The following UBR4 variants were observed in gnomAD, a reference collection of about 807,000 sequenced individuals.
UBR4 encodes the protein ubiquitin protein ligase E3 component n-recognin 4.
UBR4 carries 124 observed loss-of-function variants against 575.6 expected under a neutral mutation model. The observed-to-expected ratio is 0.22, with a 90% CI of 0.19 to 0.25. The LOEUF (loss-of-function observed/expected upper bound fraction) is 0.25, where lower values mean the gene tolerates loss of function less well. Ranked by LOEUF, UBR4 falls within the 10% of genes least tolerant of loss-of-function variation. The pLI is 1.00. For missense variants in UBR4, 4,818 were observed against 6,478.8 expected, an observed-to-expected ratio of 0.74 and a Z score of 8.80; for synonymous variants, 2,455 against 2,473.7, an observed-to-expected ratio of 0.99 and a Z score of 0.22.
intron 81 of UBR4, among the ~76,000 whole-genome samples, chr1:19,108,156 T>G (rs2149238508): frequency 6.6e-6 from 1 of 152,312 alleles, no homozygotes; most frequent in Non-Finnish European, 1.5e-5. Flanking sequence ...AATTACAGGG[T>G]CTGAAAGATT....
chr1:19,189,300 A>G (rs1188683564), intron 11 of UBR4, among the ~76,000 whole-genome samples: 1 of 152,218 alleles, frequency 6.6e-6, no homozygotes, highest in Non-Finnish European at 1.5e-5. Flanking sequence ...TAAATATGTG[A>G]GCCCTTTGTC....
chr1:19,131,888 C>CA (rs909889477), intron 60 of UBR4, among the ~76,000 whole-genome samples: 1 of 152,044 alleles, frequency 6.6e-6, no homozygotes, highest in Non-Finnish European at 1.5e-5. Context: ...AACAAACAAA[C>CA]AAAAAAATCT....
chr1:19,189,418 C>T (rs1281103988), intron 11 of UBR4, among the ~76,000 whole-genome samples: 1 of 152,112 alleles, frequency 6.6e-6, no homozygotes, highest in Non-Finnish European at 1.5e-5. Flanking sequence ...TCTAAATAAG[C>T]GCTTAGCAAT....
intron 37 of UBR4, 106 bp from the exon 38 acceptor site, chr1:19,161,253 G>C (rs2087305335): frequency 9.5e-7 from 1 of 1,048,512 alleles, no homozygotes; most frequent in Non-Finnish European, 1.4e-6. Flanking sequence ...AACTGGCTAA[G>C]CGTTTCAATG....
rs1269144604 is a variant in UBR4 at position 19,117,673 on chromosome 1, T to C, written c.10629+150A>G. 9.1e-6 allele frequency: 8 copies of C among 877,098 alleles called. No homozygotes were observed. The highest frequency in any genetic ancestry group is 1.1e-5 in the Non-Finnish European group (6 of 560,806). The allele number at this position is 877,098 out of a possible 1,614,324, so 54.3% of individuals were successfully genotyped here. A position where few individuals can be genotyped will look rare whatever the true frequency, so the allele number is the denominator to read the frequency against. ...CACTGCACCCAGCCAAGTTTCTATT[T>C]AAGGTAATAAATGTGGCAGATAAAA... On this transcript the variant is annotated intron_variant, in intron 72 of 105. Transcript: ENST00000375254. This position sits in a 1 kb window ranked among gnomAD's most constrained non-coding sequence, Gnocchi z 4.0.
At chr1:19,160,896 G>C in intron 38 of UBR4, 21 bp downstream of exon 38, 1 of 1,610,200 alleles carries the variant, frequency 6.2e-7, no homozygotes, top group Non-Finnish European at 8.5e-7. Flanking sequence ...CTGCTTACTA[G>C]GGAGCATCAG....
At position 19,165,659 on chromosome 1, in the gene UBR4, T is replaced by C. The variant is rs754147786; in HGVS notation, c.4208A>G (p.Asp1403Gly). ...ARKAMEEFFS[D>G]SGELVQIMMA... ...AATAAAGCAAAACACGGCTCACCTG[T>C]CAGAGAAAAACTCCTCCATAGCTTT... Residue 1403 changes from aspartate (D) to glycine (G), a missense_variant, in exon 30 of 106, where the codon GAC becomes GGC. Around this residue, in one of 29 missense-constraint regions of UBR4, gnomAD observed 1,172 missense variants for 1,259.7 expected, o/e 0.93. Transcript: ENST00000375254. The C allele has an allele frequency of 2.5e-6, 4 of 1,613,282 alleles. No homozygotes were observed. In the African/African-American group the frequency reaches 5.3e-5, roughly 22 times the overall value.
Position 19,153,356 on chromosome 1 carries a change from G to GGGCTGCAGGGAT in UBR4, c.6765_6776dup (p.Leu2257_Ser2260dup). 1 of 1,614,184 alleles carries GGGCTGCAGGGAT rather than the reference G, an allele frequency of 6.2e-7. No homozygotes were observed. Among genetic ancestry groups the GGGCTGCAGGGAT allele is most frequent in the South Asian group, 1.1e-5 (1 of 91,078 alleles). ...GCTTCATGATGCTGATGACACTGCT[G>GGGCTGCAGGGAT]GGCTGCAGGGATGGCTGCAGCCAGT... is the stretch of plus-strand genomic sequence containing the variant. On this transcript the variant is annotated inframe_insertion, in exon 46 of 106. Coordinates refer to ENST00000375254, the MANE Select transcript of UBR4 (RefSeq NM_020765.3). The surrounding 1 kb of genome is among the most constrained non-coding windows in gnomAD (Gnocchi z 4.1).
Position 19,076,894 on chromosome 1 carries a change from A to C in UBR4, c.15333T>G (p.Pro5111=). The change falls in exon 105 of 106, where the codon CCT becomes CCG. Residue 5111 remains proline, a synonymous_variant. Coordinates refer to ENST00000375254, the MANE Select transcript of UBR4 (RefSeq NM_020765.3). The part of the protein sequence containing the change: ...DLIYNMFKKV[P]TSNTEGGWSC... Reference sequence around the variant, plus strand: ...ACCAGCCTCCCTCTGTGTTACTGGTAGGCACCTTCTACGAGAATCAACAGG... The same window carrying C: ...ACCAGCCTCCCTCTGTGTTACTGGTCGGCACCTTCTACGAGAATCAACAGG... 6.4e-7 allele frequency: 1 copy of C among 1,562,402 alleles called. No homozygotes were observed. The highest frequency in any genetic ancestry group is 8.6e-7 in the Non-Finnish European group (1 of 1,156,890).
rs560904408 is a variant in UBR4, at chr1:19,152,941, G to A, written c.6832+360C>T. 4.6e-5 allele frequency among the ~76,000 whole-genome samples: 7 copies of A among 152,322 alleles called. No homozygotes were observed. The highest frequency in any genetic ancestry group is 1.7e-4 in the African/African-American group (7 of 41,570). On this transcript the variant is annotated intron_variant, in intron 46 of 105. Coordinates refer to ENST00000375254, the MANE Select transcript of UBR4 (RefSeq NM_020765.3). The surrounding 1 kb of genome is among the most constrained non-coding windows in gnomAD (Gnocchi z 4.4). ...GAGTCAGTCAAGTGCTAGACCACCAGCTCAGAGACCTGTGGTGGGCTCTTC... is the reference window on the plus strand; with the variant it reads ...GAGTCAGTCAAGTGCTAGACCACCAACTCAGAGACCTGTGGTGGGCTCTTC...
rs758184093 is a variant in UBR4 at position 19,172,888 on chromosome 1, A to G, written c.3497T>C (p.Ile1166Thr). The G allele has an allele frequency of 1.2e-6, 2 of 1,614,098 alleles. No individual in the cohort carries two copies. Among genetic ancestry groups the G allele is most frequent in the South Asian group, 1.1e-5 (1 of 91,088 alleles). The change falls in exon 25 of 106, where the codon ATT becomes ACT. Residue 1166 changes from isoleucine (I) to threonine (T), a missense_variant. Ile to Thr is a moderately conservative substitution (Grantham distance 89). Coordinates refer to ENST00000375254, the MANE Select transcript of UBR4 (RefSeq NM_020765.3). The stretch of plus-strand genomic sequence containing the variant: ...CCTGGTGAACGATGCATAGGTGTCA[A>G]TGAGTTGCAGCGTGGCTGGAAGTAG... The part of the protein sequence containing the change: ...KNLLPATLQL[I>T]DTYASFTRAY...
intron 2 of UBR4, among the ~76,000 whole-genome samples, chr1:19,201,080 A>G (rs1281164842): frequency 6.6e-6 from 1 of 152,246 alleles, no homozygotes; most frequent in Non-Finnish European, 1.5e-5. Flanking sequence ...TCAAGGATGC[A>G]GTGAGCTATG....
chr1:19,107,506 C>T (rs1216198728), intron 81 of UBR4, among the ~76,000 whole-genome samples: 1 of 152,114 alleles, frequency 6.6e-6, no homozygotes, highest in Non-Finnish European at 1.5e-5. Context: ...ACTGGCCGGG[C>T]GCGGTGACTC....
intron 60 of UBR4, among the ~76,000 whole-genome samples, chr1:19,134,621 C>A (rs983619903): frequency 2.7e-4 from 41 of 152,024 alleles, no homozygotes; most frequent in African/African-American, 9.4e-4. Flanking sequence ...GACCTTCTGG[C>A]TGCCAGGACC....
intron 54 of UBR4, among the ~76,000 whole-genome samples, chr1:19,144,339 CCTG>C (rs2084537928): frequency 6.6e-6 from 1 of 152,192 alleles, no homozygotes; most frequent in Non-Finnish European, 1.5e-5. Flanking sequence ...GTCATTTGCT[CCTG>C]AGGCCATTTT....
chr1:19,174,081 G>A (rs928861818), intron 22 of UBR4, among the ~76,000 whole-genome samples: 3 of 152,126 alleles, frequency 2.0e-5, no homozygotes, highest in South Asian at 2.1e-4. Flanking sequence ...AGCACTTGGG[G>A]GGGGACCACT....
In UBR4 at chr1:19,074,750, G is replaced by A; in HGVS notation, c.*82C>T. ...GGTAACAATGCAGCATCCCGCGGAG[G>A]GAACTTAATGCACAAGGAGGGAGAA... On this transcript the variant is annotated 3_prime_UTR_variant, in exon 106 of 106. Transcript: ENST00000375254. 2 of 1,499,060 alleles carry A rather than the reference G, an allele frequency of 1.3e-6. No individual in the cohort carries two copies. Among genetic ancestry groups the A allele is most frequent in the South Asian group, 2.3e-5 (2 of 85,568 alleles). The allele number at this position is 1,499,060 out of a possible 1,614,324, so 92.9% of individuals were successfully genotyped here. A position where few individuals can be genotyped will look rare whatever the true frequency, so the allele number is the denominator to read the frequency against.
rs3762396 is a variant in UBR4, at chr1:19,183,900, A to G, written c.2099-4T>C. The stretch of plus-strand genomic sequence containing the variant: ...GCAAACTCTTCATCTGATGAACCTT[A>G]AAGACAAGTAGAAAAGCCAATTATT... On this transcript the variant is annotated splice_region_variant and splice_polypyrimidine_tract_variant and intron_variant, in intron 16 of 105. Transcript: ENST00000375254. 0.63 allele frequency: 1,013,971 copies of G among 1,613,546 alleles called. 322,801 individuals are homozygous for G. Among genetic ancestry groups the G allele is most frequent in the East Asian group, 0.83 (37,172 of 44,862 alleles).
At chr1:19,150,496 C>G (rs1571157785) in intron 49 of UBR4, 81 bp downstream of exon 49, 2 of 1,464,764 alleles carry the variant, frequency 1.4e-6, no homozygotes, top group Non-Finnish European at 1.9e-6. Flanking sequence ...TTATTAGAAG[C>G]TGGCTCTCTC....
Sources: gnomAD v4.1 joint callset for allele counts (sites outside exome capture counted in the v4.1 genomes callset) on GRCh38, gnomAD v4.1.1 for gene constraint, gnomAD v4.1.1 regional missense constraint, Gnocchi (gnomAD v3.1) non-coding constraint, MANE v1.5 for transcripts, NCBI Gene and HGNC (gene_info 2026-07-23, HGNC 2026-07-21) for gene names.